FTCDNL1: variants seen among roughly 807,000 people sequenced by gnomAD.
FTCDNL1 encodes the protein formiminotransferase N-terminal subdomain-containing protein.
In FTCDNL1, 11 loss-of-function variants were observed where a neutral mutation model predicts 5.9. The observed-to-expected ratio is 1.87, with a 90% CI of 1.18 to 3.10. FTCDNL1 has a LOEUF of 3.10. FTCDNL1 is among the 30% of genes most tolerant of loss of function. The pLI, the probability that FTCDNL1 is intolerant of heterozygous loss-of-function variation, is 0.00. For missense variants in FTCDNL1, 115 were observed against 65.5 expected (o/e 1.76, Z -2.61); for synonymous variants, 58 against 24.8 (o/e 2.34, Z -3.99).
intron 3 of FTCDNL1, among the ~76,000 whole-genome samples, chr2:199,776,949 T>G (rs1490497261): frequency 2.5e-5 from 3 of 121,920 alleles, no homozygotes; most frequent in African/African-American, 1.0e-4. Context: ...CACACAGAGA[T>G]GTGTGTATAT....
At chr2:199,817,954 G>T (rs954376136) in intron 4 of FTCDNL1, among the ~76,000 whole-genome samples, 3 of 152,122 alleles carry the variant, frequency 2.0e-5, no homozygotes, top group African/African-American at 7.2e-5. Flanking sequence ...CATAATTAGT[G>T]ATAATATTAG....
chr2:199,825,673 TG>T (rs1297403284), intron 3 of FTCDNL1, among the ~76,000 whole-genome samples: 1 of 152,198 alleles, frequency 6.6e-6, no homozygotes, highest in Non-Finnish European at 1.5e-5. Flanking sequence ...GCGACACACC[TG>T]TTCCCCCTTT....
At chr2:199,782,942 T>C (rs1031336498) in intron 3 of FTCDNL1, among the ~76,000 whole-genome samples, 10 of 152,206 alleles carry the variant, frequency 6.6e-5, no homozygotes, top group African/African-American at 1.9e-4. Context: ...TGGTCATCCT[T>C]AACATATTGT....
the FTCDNL1 span, among the ~76,000 whole-genome samples, chr2:199,713,921 T>C: frequency 0.023 from 3,516 of 152,262 alleles, 142 homozygotes; most frequent in African/African-American, 0.079. Context: ...TGACTTACAG[T>C]GGCTGAAACC....
chr2:199,746,049 C>T, the FTCDNL1 span, among the ~76,000 whole-genome samples: 11 of 152,292 alleles, frequency 7.2e-5, no homozygotes, highest in Middle Eastern at 0.02. Flanking sequence ...TCAAGGTCAA[C>T]CAACCCAAAA....
chr2:199,697,013 T>C, the FTCDNL1 span, among the ~76,000 whole-genome samples: 1 of 152,096 alleles, frequency 6.6e-6, no homozygotes, highest in East Asian at 1.9e-4. Context: ...CATAATACAC[T>C]TGTAATCCCA....
At chr2:199,709,044 G>A in the FTCDNL1 span, among the ~76,000 whole-genome samples, 1 of 151,940 alleles carries the variant, frequency 6.6e-6, no homozygotes, top group South Asian at 2.1e-4. Flanking sequence ...GCAATTAGAG[G>A]GTAGATGCAA....
the FTCDNL1 span, among the ~76,000 whole-genome samples, chr2:199,693,442 A>T: frequency 6.6e-6 from 1 of 152,220 alleles, no homozygotes; most frequent in Admixed American, 6.5e-5. Context: ...AAGGTTTTTC[A>T]TACTCTTTTA....
At chr2:199,824,607 G>T (rs1037661259) in intron 3 of FTCDNL1, among the ~76,000 whole-genome samples, 2 of 152,172 alleles carry the variant, frequency 1.3e-5, no homozygotes, top group Non-Finnish European at 2.9e-5. Flanking sequence ...TAAAATAAAA[G>T]ATGTGAGACT....
chr2:199,708,232 A>G, the FTCDNL1 span, among the ~76,000 whole-genome samples: 1 of 151,940 alleles, frequency 6.6e-6, no homozygotes, highest in Non-Finnish European at 1.5e-5. Context: ...AGAATTTTTC[A>G]TTTCAGATAT....
Position 199,811,272 on chromosome 2 carries a change from ATCTTAATGTTGCCAC to A in FTCDNL1, c.*1418_*1432del, listed in dbSNP as rs1271478532. Among the ~76,000 whole-genome samples, 1 of 152,204 alleles carries A rather than the reference ATCTTAATGTTGCCAC, an allele frequency of 6.6e-6. No homozygotes were observed. On this transcript the variant is annotated 3_prime_UTR_variant, in exon 5 of 5. Transcript: ENST00000420128. ...CAGAGTATAATTGGAATTTTTGTCAATCTTAATGTTGCCACTCTTTAACAGAAAACTTCCAAACAT... is the reference window on the plus strand; with the variant it reads ...CAGAGTATAATTGGAATTTTTGTCAATCTTTAACAGAAAACTTCCAAACAT...
chr2:199,848,971 T>C lies in FTCDNL1; in HGVS notation c.-7-2A>G, dbSNP rs2076803060. 1 of 699,860 alleles carries C rather than the reference T, an allele frequency of 1.4e-6. No homozygotes were observed. The highest frequency in any genetic ancestry group is 1.7e-5 in the African/African-American group (1 of 57,170). 43.4% of individuals were successfully genotyped at this position (699,860 alleles called of 1,614,324 possible). A position where few individuals can be genotyped will look rare whatever the true frequency, so the allele number is the denominator to read the frequency against. ...ACTCTGGAAGAAGACATGATTTTTC[T>C]GGAATAGGAGAAAAATTTTTATGTG... On this transcript the variant is annotated splice_acceptor_variant, in intron 1 of 4. Coordinates refer to ENST00000420128, the MANE Select transcript of FTCDNL1 (RefSeq NM_001363886.2). LOFTEE classifies it low-confidence loss of function (5UTR_SPLICE).
chr2:199,762,501 C>T (rs1474011926), intron 3 of FTCDNL1, among the ~76,000 whole-genome samples: 1 of 152,208 alleles, frequency 6.6e-6, no homozygotes, highest in Non-Finnish European at 1.5e-5. Flanking sequence ...CTTTCCCCTA[C>T]TGAAAAATAA....
the FTCDNL1 span, among the ~76,000 whole-genome samples, chr2:199,748,785 T>C: frequency 6.6e-6 from 1 of 152,200 alleles, no homozygotes; most frequent in African/African-American, 2.4e-5. Flanking sequence ...GGAAGTTTTA[T>C]ACTTTGCACC....
the FTCDNL1 span, among the ~76,000 whole-genome samples, chr2:199,668,281 C>A: frequency 5.9e-5 from 9 of 151,990 alleles, no homozygotes; most frequent in Non-Finnish European, 8.8e-5. Flanking sequence ...GTCTGAAATA[C>A]CTTAAAAATA....
the FTCDNL1 span, among the ~76,000 whole-genome samples, chr2:199,749,689 T>A: frequency 6.6e-6 from 1 of 152,174 alleles, no homozygotes; most frequent in African/African-American, 2.4e-5. Context: ...GGTGCATGTT[T>A]TCGTAGTACT....
At chr2:199,803,175 T>G in intron 3 of FTCDNL1, among the ~76,000 whole-genome samples, 2 of 113,292 alleles carry the variant, frequency 1.8e-5, no homozygotes, top group African/African-American at 3.4e-5. Flanking sequence ...GCCTGGGTGA[T>G]GGAGGAATAC....
chr2:199,752,852 C>T, the FTCDNL1 span, among the ~76,000 whole-genome samples: 1 of 141,790 alleles, frequency 7.1e-6, no homozygotes, highest in African/African-American at 2.6e-5. Flanking sequence ...GAGAGACAGA[C>T]AATGAGAGAG....
chr2:199,729,008 A>C, the FTCDNL1 span, among the ~76,000 whole-genome samples: 8 of 152,184 alleles, frequency 5.3e-5, no homozygotes, highest in African/African-American at 2.4e-5. Flanking sequence ...TGTTGTCAAA[A>C]ATATGGGTCG....
Sources: gnomAD v4.1 joint callset for allele counts (sites outside exome capture counted in the v4.1 genomes callset) on GRCh38, gnomAD v4.1.1 for gene constraint, MANE v1.5 for transcripts, NCBI Gene and HGNC (gene_info 2026-07-23, HGNC 2026-07-21) for gene names.